Variants in PMAIP1 observed in about 807,000 individuals in gnomAD.
The protein encoded by PMAIP1 is PMA-induced protein 1.
In PMAIP1, 3 loss-of-function variants were observed where a neutral mutation model predicts 3.7. The observed-to-expected ratio is 0.82, with a 90% CI of 0.37 to 2.12. The LOEUF (loss-of-function observed/expected upper bound fraction) is 2.12. Ranked by LOEUF, PMAIP1 falls within the 30% of genes most tolerant of loss-of-function variation. The pLI, the probability that PMAIP1 is intolerant of heterozygous loss-of-function variation, is 0.06. For synonymous variants in PMAIP1, 29 were observed against 26.2 expected (o/e 1.11, Z -0.32); for missense variants, 77 against 67.1 (o/e 1.15, Z -0.52).
Position 59,902,961 on chromosome 18 carries a change from T to C in PMAIP1, c.*208T>C. 15 of 747,808 alleles carry C rather than the reference T, an allele frequency of 2.0e-5. No homozygotes were observed. The highest frequency in any genetic ancestry group is 2.9e-5 in the Non-Finnish European group (13 of 451,996). The allele number at this position is 747,808 out of a possible 1,614,324, so 46.3% of individuals were successfully genotyped here. On this transcript the variant is annotated 3_prime_UTR_variant, in exon 2 of 2. Transcript: ENST00000316660. ...TATCATTCTTTGGGATGAGAGAACATTATAAAACCACTTTGTTTATTTTAA... is the reference window on the plus strand; with the variant it reads ...TATCATTCTTTGGGATGAGAGAACACTATAAAACCACTTTGTTTATTTTAA...
intron 1 of PMAIP1, among the ~76,000 whole-genome samples, chr18:59,900,951 G>C (rs1378811255): frequency 1.3e-5 from 2 of 151,472 alleles, no homozygotes; most frequent in African/African-American, 2.4e-5. Context: ...ACGATTATAC[G>C]CCCCCCCCAC....
In PMAIP1 at chr18:59,903,809, T is replaced by G. The variant is rs1487404724; in HGVS notation, c.*1056T>G. On this transcript the variant is annotated 3_prime_UTR_variant, in exon 2 of 2. Coordinates refer to ENST00000316660, the MANE Select transcript of PMAIP1 (RefSeq NM_021127.3). ...ATATGCATTGGTGAATATATATGTATACACATACTTACATACTTATATGGG... is the reference window on the plus strand; with the variant it reads ...ATATGCATTGGTGAATATATATGTAGACACATACTTACATACTTATATGGG... The G allele has an allele frequency of 6.6e-6, 1 of 152,168 alleles. No individual in the cohort carries two copies. Among genetic ancestry groups the G allele is most frequent in the Non-Finnish European group, 1.5e-5 (1 of 68,006 alleles). The allele number at this position is 152,168 out of a possible 1,614,324, so 9.4% of individuals were successfully genotyped here. A position where few individuals can be genotyped will look rare whatever the true frequency, so the allele number is the denominator to read the frequency against.
intron 1 of PMAIP1, among the ~76,000 whole-genome samples, chr18:59,901,069 T>C (rs2055764494): frequency 6.6e-6 from 1 of 152,188 alleles, no homozygotes; most frequent in Non-Finnish European, 1.5e-5. Flanking sequence ...CTCTGGCGCT[T>C]GTGTGGGATG....
In PMAIP1 at chr18:59,903,121, T is replaced by C; in HGVS notation, c.*368T>C. The C allele has an allele frequency of 2.0e-6, 1 of 499,544 alleles. No homozygotes were observed. Among genetic ancestry groups the C allele is most frequent in the South Asian group, 2.4e-5 (1 of 41,550 alleles). The allele number at this position is 499,544 out of a possible 1,614,324, so 30.9% of individuals were successfully genotyped here. ...GAAGGGAGATGACCTGTGATTAGAC[T>C]GGGCGGCTGGGGAGAAACAGTTCAG... On this transcript the variant is annotated 3_prime_UTR_variant, in exon 2 of 2. Coordinates refer to ENST00000316660, the MANE Select transcript of PMAIP1 (RefSeq NM_021127.3).
chr18:59,901,232 C>A (rs2055766384), intron 1 of PMAIP1, among the ~76,000 whole-genome samples: 2 of 152,190 alleles, frequency 1.3e-5, no homozygotes, highest in Non-Finnish European at 2.9e-5. Flanking sequence ...TTGATTGATA[C>A]TAATACATTT....
rs977204453 is a variant in PMAIP1, at chr18:59,903,782, A to C, written c.*1029A>C. 1 of 152,176 alleles carries C rather than the reference A, an allele frequency of 6.6e-6. No individual in the cohort carries two copies. The highest frequency in any genetic ancestry group is 3.2e-3 in the Middle Eastern group (1 of 316). The allele number at this position is 152,176 out of a possible 1,614,324, so 9.4% of individuals were successfully genotyped here. ...AGTTCTCATCTAGAATGAAAGTTCC[A>C]TATATGCATTGGTGAATATATATGT... On this transcript the variant is annotated 3_prime_UTR_variant, in exon 2 of 2. Transcript: ENST00000316660.
In PMAIP1 at chr18:59,903,087, G is replaced by A; in HGVS notation, c.*334G>A. The A allele has an allele frequency of 1.8e-6, 1 of 560,306 alleles. No homozygotes were observed. Among genetic ancestry groups the A allele is most frequent in the South Asian group, 2.1e-5 (1 of 47,020 alleles). 34.7% of individuals were successfully genotyped at this position (560,306 alleles called of 1,614,324 possible). A position where few individuals can be genotyped will look rare whatever the true frequency, so the allele number is the denominator to read the frequency against. ...GTGTTTTTGCCGAAGATTACCGCTG[G>A]CCTACTGTGAAGGGAGATGACCTGT... On this transcript the variant is annotated 3_prime_UTR_variant, in exon 2 of 2. Coordinates refer to ENST00000316660, the MANE Select transcript of PMAIP1 (RefSeq NM_021127.3).
At chr18:59,901,412 A>G (rs1006340954) in intron 1 of PMAIP1, among the ~76,000 whole-genome samples, 2 of 152,194 alleles carry the variant, frequency 1.3e-5, no homozygotes, top group Admixed American at 1.3e-4. Flanking sequence ...GTATATTAAT[A>G]TATCTCAATC....
In PMAIP1 at chr18:59,903,764, A is replaced by G. The variant is rs1238090843; in HGVS notation, c.*1011A>G. 1 of 152,284 alleles carries G rather than the reference A, an allele frequency of 6.6e-6. No individual in the cohort carries two copies. The highest frequency in any genetic ancestry group is 2.1e-4 in the South Asian group (1 of 4,820). The allele number at this position is 152,284 out of a possible 1,614,324, so 9.4% of individuals were successfully genotyped here. A position where few individuals can be genotyped will look rare whatever the true frequency, so the allele number is the denominator to read the frequency against. On this transcript the variant is annotated 3_prime_UTR_variant, in exon 2 of 2. Transcript: ENST00000316660. ...TAAAAAAAAGGAACAGTTAGTTCTC[A>G]TCTAGAATGAAAGTTCCATATATGC...
chr18:59,901,064 G>C (rs1228503352), intron 1 of PMAIP1, among the ~76,000 whole-genome samples: 1 of 152,120 alleles, frequency 6.6e-6, no homozygotes, highest in African/African-American at 2.4e-5. Context: ...GCTGTCTCTG[G>C]CGCTTGTGTG....
rs1220055106 is a variant in PMAIP1 at position 59,900,414 on chromosome 18, G to A, written c.58+179G>A. ...AGGGGCGCCTCCAGAAAGTTCTTCG[G>A]GGTTTTTCCCCAGGACCGGCGGGTA... On this transcript the variant is annotated intron_variant, in intron 1 of 1. Coordinates refer to ENST00000316660, the MANE Select transcript of PMAIP1 (RefSeq NM_021127.3). The A allele has an allele frequency of 3.9e-6, 6 of 1,550,152 alleles. No individual in the cohort carries two copies. The African/African-American group carries it at 6.8e-5, about 18-fold the overall frequency.
At position 59,902,772 on chromosome 18, in the gene PMAIP1, T is replaced by C. The variant is rs565088805; in HGVS notation, c.*19T>C. 6.2e-7 allele frequency: 1 copy of C among 1,614,130 alleles called. No homozygotes were observed. The highest frequency in any genetic ancestry group is 1.1e-5 in the South Asian group (1 of 91,090). On this transcript the variant is annotated 3_prime_UTR_variant, in exon 2 of 2. Coordinates refer to ENST00000316660, the MANE Select transcript of PMAIP1 (RefSeq NM_021127.3). Reference sequence around the variant, plus strand: ...AACCTGACTGCATCAAAAACTTGCATGAGGGGACTCCTTCAAAAGAGTTTT... The same window carrying C: ...AACCTGACTGCATCAAAAACTTGCACGAGGGGACTCCTTCAAAAGAGTTTT...
At chr18:59,900,400 C>T (rs1417190129) in intron 1 of PMAIP1, 165 bp downstream of exon 1, 19 of 1,549,690 alleles carry the variant, frequency 1.2e-5, no homozygotes, top group Non-Finnish European at 1.6e-5. Flanking sequence ...GGGGCGCCTC[C>T]AGAAAGTTCT....
At position 59,900,173 on chromosome 18, in the gene PMAIP1, C is replaced by T; in HGVS notation, c.-5C>T. ...GTAGCTGAGTGGGCGGCGGCACCGG[C>T]GGAGATGCCTGGGAAGAAGGCGCGC... On this transcript the variant is annotated 5_prime_UTR_variant, in exon 1 of 2. Transcript: ENST00000316660. The T allele has an allele frequency of 6.4e-7, 1 of 1,558,576 alleles. No individual in the cohort carries two copies.
At chr18:59,901,164 C>T (rs2055765546) in intron 1 of PMAIP1, among the ~76,000 whole-genome samples, 1 of 152,216 alleles carries the variant, frequency 6.6e-6, no homozygotes, top group Non-Finnish European at 1.5e-5. Flanking sequence ...ATAGCACTTT[C>T]TGGTCCGACT....
At chr18:59,901,513 C>T (rs756256289) in intron 1 of PMAIP1, among the ~76,000 whole-genome samples, 3 of 152,066 alleles carry the variant, frequency 2.0e-5, no homozygotes, top group Non-Finnish European at 2.9e-5. Flanking sequence ...TATTAGGTCT[C>T]TTGGTGTAGG....
chr18:59,900,087 T>C lies in PMAIP1; in HGVS notation c.-91T>C. 1 of 1,396,076 alleles carries C rather than the reference T, an allele frequency of 7.2e-7. No homozygotes were observed. Among genetic ancestry groups the C allele is most frequent in the Non-Finnish European group, 9.8e-7 (1 of 1,024,790 alleles). 86.5% of individuals were successfully genotyped at this position (1,396,076 alleles called of 1,614,324 possible). ...TCCCTGCCTGCAGGACTGTTCGTGT[T>C]CAGCTCGCGTCCTGCAGCTGTCCGA... is the stretch of plus-strand genomic sequence containing the variant. On this transcript the variant is annotated 5_prime_UTR_variant, in exon 1 of 2. Transcript: ENST00000316660.
At chr18:59,900,807 A>T in intron 1 of PMAIP1, 1 of 522,258 alleles carries the variant, frequency 1.9e-6, no homozygotes, top group Non-Finnish European at 3.4e-6. Context: ...CGCACTCCCC[A>T]CCCCGATACA....
Position 59,903,523 on chromosome 18 carries a change from C to T in PMAIP1, c.*770C>T, listed in dbSNP as rs899810903. 6.6e-6 allele frequency: 1 copy of T among 151,906 alleles called. No homozygotes were observed. Among genetic ancestry groups the T allele is most frequent in the African/African-American group, 2.4e-5 (1 of 41,360 alleles). The allele number at this position is 151,906 out of a possible 1,614,324, so 9.4% of individuals were successfully genotyped here. A position where few individuals can be genotyped will look rare whatever the true frequency, so the allele number is the denominator to read the frequency against. On this transcript the variant is annotated 3_prime_UTR_variant, in exon 2 of 2. Transcript: ENST00000316660. ...AAAGAACATGGGGATTTTGTATAACCAGGGATAATAAAAAGAAAAAAGAAG... is the reference window on the plus strand; with the variant it reads ...AAAGAACATGGGGATTTTGTATAACTAGGGATAATAAAAAGAAAAAAGAAG...
Sources: allele counts gnomAD v4.1 joint callset (sites outside exome capture counted in the v4.1 genomes callset), GRCh38; gene constraint gnomAD v4.1.1; transcripts MANE v1.5; gene names NCBI Gene and HGNC (gene_info 2026-07-23, HGNC 2026-07-21).